NRG3: variants seen among roughly 807,000 people sequenced by gnomAD.
The protein encoded by NRG3 is neuregulin 3, also known as pro-neuregulin-3, membrane-bound isoform.
Under a neutral mutation model 66.9 loss-of-function variants are expected in NRG3, and 31 were observed. That is an observed-to-expected ratio of 0.46 (90% CI 0.35 to 0.63). The LOEUF is 0.63. Ranked by LOEUF, NRG3 falls within the 20% of genes least tolerant of loss-of-function variation. The pLI is 0.00. For synonymous variants in NRG3, 393 were observed against 359.4 expected (o/e 1.09, Z -1.06); for missense variants, 910 against 878.9 (o/e 1.04, Z -0.45).
intron 1 of NRG3, among the ~76,000 whole-genome samples, chr10:81,966,133 T>C (rs1246130478): frequency 2.0e-5 from 3 of 151,844 alleles, no homozygotes; most frequent in Non-Finnish European, 4.4e-5. Context: ...TTCAACACAT[T>C]CAAAGGTAAT....
chr10:82,420,781 G>C (rs1396727500), intron 2 of NRG3, among the ~76,000 whole-genome samples: 3 of 152,054 alleles, frequency 2.0e-5, no homozygotes, highest in African/African-American at 7.2e-5. Flanking sequence ...TCCTTCAGTG[G>C]GAGAATGGAC....
chr10:82,068,063 C>G (rs567550454), intron 1 of NRG3, among the ~76,000 whole-genome samples: 2 of 152,108 alleles, frequency 1.3e-5, no homozygotes, highest in African/African-American at 2.4e-5. Flanking sequence ...GTGTTTCCTG[C>G]GTCGAAGAAT....
At chr10:82,143,407 A>G (rs1417294768) in intron 1 of NRG3, among the ~76,000 whole-genome samples, 1 of 152,216 alleles carries the variant, frequency 6.6e-6, no homozygotes, top group East Asian at 1.9e-4. Context: ...GCTGCTTTTC[A>G]GACAGTTACT....
At chr10:81,983,129 G>A (rs1184415970) in intron 1 of NRG3, among the ~76,000 whole-genome samples, 1 of 152,102 alleles carries the variant, frequency 6.6e-6, no homozygotes, top group Non-Finnish European at 1.5e-5. Flanking sequence ...CATACCAGGG[G>A]AAAGTGCTAA....
At chr10:82,375,895 A>G (rs1477298728) in intron 2 of NRG3, among the ~76,000 whole-genome samples, 3 of 152,254 alleles carry the variant, frequency 2.0e-5, no homozygotes, top group Non-Finnish European at 4.4e-5. Flanking sequence ...AAGTGGAGAC[A>G]TTTCAGAAAC....
chr10:82,399,932 C>G (rs2136043222), intron 2 of NRG3, among the ~76,000 whole-genome samples: 1 of 152,286 alleles, frequency 6.6e-6, no homozygotes. Context: ...ATGGAGGCAT[C>G]TAAAACTCCT....
At chr10:82,133,774 A>G (rs1373275477) in intron 1 of NRG3, among the ~76,000 whole-genome samples, 1 of 152,158 alleles carries the variant, frequency 6.6e-6, no homozygotes, top group Non-Finnish European at 1.5e-5. Flanking sequence ...TGGGTGGTAT[A>G]TACCCGGTAA....
chr10:81,995,605 T>A (rs1473152180), intron 1 of NRG3, among the ~76,000 whole-genome samples: 1 of 152,226 alleles, frequency 6.6e-6, no homozygotes, highest in Non-Finnish European at 1.5e-5. Flanking sequence ...ATTTAACTTG[T>A]GTTGGCTGTT....
intron 3 of NRG3, chr10:82,843,187 C>A: frequency 2.3e-6 from 1 of 436,012 alleles, no homozygotes; most frequent in South Asian, 1.6e-5. Flanking sequence ...ATGTTTGTCC[C>A]CTCCACAACT....
chr10:82,451,953 T>TA (rs1357815450), intron 2 of NRG3, among the ~76,000 whole-genome samples: 2 of 152,082 alleles, frequency 1.3e-5, no homozygotes, highest in African/African-American at 2.4e-5. Flanking sequence ...CAATTCAAAA[T>TA]AAAAAAATGT....
rs528419228 is a variant in NRG3 at position 82,129,221 on chromosome 10, A to C, written c.824-229518A>C. ...AGCCACTGCGCCAGGGCAGTGCTCTAAATTTTTAACATAATGTTCTCAATA... is the reference window on the plus strand; with the variant it reads ...AGCCACTGCGCCAGGGCAGTGCTCTCAATTTTTAACATAATGTTCTCAATA... On this transcript the variant is annotated intron_variant, in intron 1 of 8. Transcript: ENST00000372141. Among the ~76,000 whole-genome samples the C allele has an allele frequency of 4.6e-5, 7 of 152,178 alleles. No individual in the cohort carries two copies. The East Asian group carries it at 1.2e-3, about 25-fold the overall frequency.
At chr10:82,599,675 G>C (rs183416647) in intron 2 of NRG3, among the ~76,000 whole-genome samples, 17 of 152,050 alleles carry the variant, frequency 1.1e-4, no homozygotes, top group Non-Finnish European at 2.2e-4. Flanking sequence ...ATAGTCGGGC[G>C]TGGTGGTGTT....
At chr10:82,009,389 G>C (rs546510226) in intron 1 of NRG3, among the ~76,000 whole-genome samples, 1 of 152,188 alleles carries the variant, frequency 6.6e-6, no homozygotes, top group East Asian at 1.9e-4. Context: ...ATTAGTTGCA[G>C]TGTTCTTGGG....
chr10:81,978,559 T>C (rs1411736868), intron 1 of NRG3, among the ~76,000 whole-genome samples: 1 of 152,110 alleles, frequency 6.6e-6, no homozygotes, highest in Non-Finnish European at 1.5e-5. Flanking sequence ...CTCCTCCCAG[T>C]TCATCCTTGA....
At chr10:81,885,817 G>A (rs1167340644) in intron 1 of NRG3, among the ~76,000 whole-genome samples, 2 of 152,066 alleles carry the variant, frequency 1.3e-5, no homozygotes, top group African/African-American at 4.8e-5. Flanking sequence ...TATGAGGGGG[G>A]CCACTGGGGT....
intron 2 of NRG3, among the ~76,000 whole-genome samples, chr10:82,669,424 A>G (rs568626900): frequency 7.0e-4 from 106 of 152,124 alleles, no homozygotes; most frequent in African/African-American, 2.4e-3. Flanking sequence ...TTAGTACTTT[A>G]TTTTCCTGGT....
chr10:82,833,527 A>G (rs2062630909), intron 3 of NRG3, among the ~76,000 whole-genome samples: 1 of 152,140 alleles, frequency 6.6e-6, no homozygotes, highest in African/African-American at 2.4e-5. Flanking sequence ...GCCTCCCACC[A>G]GTTGCCTAAT....
At chr10:82,134,364 C>G (rs1473451926) in intron 1 of NRG3, among the ~76,000 whole-genome samples, 1 of 152,110 alleles carries the variant, frequency 6.6e-6, no homozygotes, top group Admixed American at 6.6e-5. Context: ...AATGACTAGG[C>G]TGTCTTCCAA....
rs566899542 is a variant in NRG3, at chr10:82,731,934, T to C, written c.954-6643T>C. Among the ~76,000 whole-genome samples, 13 of 152,270 alleles carry C rather than the reference T, an allele frequency of 8.5e-5. No homozygotes were observed. The East Asian group carries it at 2.5e-3, about 29-fold the overall frequency. On this transcript the variant is annotated intron_variant, in intron 2 of 8. Coordinates refer to ENST00000372141, the MANE Select transcript of NRG3 (RefSeq NM_001010848.4). Reference sequence around the variant, plus strand: ...ATTTCAAGAAATCTACTGCATAATATAGTTATGACTATAGTTAATAACAAT... The same window carrying C: ...ATTTCAAGAAATCTACTGCATAATACAGTTATGACTATAGTTAATAACAAT...
Sources: allele counts gnomAD v4.1 joint callset (sites outside exome capture counted in the v4.1 genomes callset), GRCh38; gene constraint gnomAD v4.1.1; transcripts MANE v1.5; gene names NCBI Gene and HGNC (gene_info 2026-07-23, HGNC 2026-07-21).